Variants in SAMD8 observed in about 807,000 individuals in gnomAD.
SAMD8 encodes sphingomyelin synthase-related protein 1.
A neutral mutation model predicts 42.0 loss-of-function variants in SAMD8; 20 were observed. The ratio of observed to expected loss-of-function variants is 0.48; its 90% CI spans 0.34 to 0.69. SAMD8 has a LOEUF of 0.69. SAMD8 is among the 30% of genes least tolerant of loss of function. The pLI is 0.01. For missense variants in SAMD8, 328 were observed against 511.6 expected (o/e 0.64, Z 3.46); for synonymous variants, 162 against 173.0 (o/e 0.94, Z 0.50).
upstream of SAMD8, among the ~76,000 whole-genome samples, chr10:75,107,589 CG>C (rs909703774): frequency 3.3e-5 from 5 of 150,402 alleles, no homozygotes; most frequent in South Asian, 2.1e-4. Context: ...TTTTTTTTGG[CG>C]GGGGGGGATG....
intron 1 of SAMD8, among the ~76,000 whole-genome samples, chr10:75,130,528 A>G (rs1020073440): frequency 1.3e-5 from 2 of 152,018 alleles, no homozygotes; most frequent in African/African-American, 4.8e-5. Context: ...AAACACTATG[A>G]TCATTCTTTA....
chr10:75,101,962 C>G, intron 1 of SAMD8: 1 of 1,367,508 alleles, frequency 7.3e-7, no homozygotes, highest in Non-Finnish European at 9.8e-7. Flanking sequence ...GATGCTGTTT[C>G]TATTTTTTGA....
upstream of SAMD8, chr10:75,109,127 C>A: frequency 6.2e-7 from 1 of 1,606,842 alleles, no homozygotes; most frequent in Non-Finnish European, 8.5e-7. Context: ...TTGTCCTCTC[C>A]CCCCAGCTCT....
intron 4 of SAMD8, among the ~76,000 whole-genome samples, chr10:75,171,494 A>G (rs1351234837): frequency 1.3e-5 from 2 of 151,994 alleles, no homozygotes; most frequent in South Asian, 2.1e-4. Flanking sequence ...ATTTAATAGT[A>G]TGTTGTTTAC....
At chr10:75,163,191 C>A (rs1840598752) in intron 2 of SAMD8, among the ~76,000 whole-genome samples, 1 of 152,174 alleles carries the variant, frequency 6.6e-6, no homozygotes, top group South Asian at 2.1e-4. Context: ...TCCCAAAGTG[C>A]TGGGATTATA....
chr10:75,139,546 C>T (rs1040696228), intron 1 of SAMD8, among the ~76,000 whole-genome samples: 5 of 152,038 alleles, frequency 3.3e-5, no homozygotes, highest in African/African-American at 1.2e-4. Flanking sequence ...AGGACTCATG[C>T]AATAATGTTA....
At chr10:75,145,659 C>A (rs1213289110) in intron 1 of SAMD8, among the ~76,000 whole-genome samples, 1 of 152,124 alleles carries the variant, frequency 6.6e-6, no homozygotes, top group Non-Finnish European at 1.5e-5. Flanking sequence ...CCAAATAATT[C>A]TTTGTTGGGG....
At chr10:75,162,249 C>T (rs1276596944) in intron 2 of SAMD8, among the ~76,000 whole-genome samples, 6 of 152,228 alleles carry the variant, frequency 3.9e-5, no homozygotes, top group South Asian at 2.1e-4. Context: ...ATCCCAGCAA[C>T]GCGGGAGACT....
intron 4 of SAMD8, 56 bp downstream of exon 4, chr10:75,168,714 A>G: frequency 9.6e-7 from 1 of 1,044,858 alleles, no homozygotes; most frequent in Non-Finnish European, 1.5e-6. Context: ...GGCACACTAT[A>G]TGCAATAGGG....
chr10:75,160,196 A>G (rs1310766180), intron 2 of SAMD8, among the ~76,000 whole-genome samples: 1 of 152,042 alleles, frequency 6.6e-6, no homozygotes, highest in Non-Finnish European at 1.5e-5. Flanking sequence ...TTACTAAAGA[A>G]AATTAAATTT....
At chr10:75,108,321 C>G, upstream of SAMD8, 1 of 1,466,852 alleles carries the variant, frequency 6.8e-7, no homozygotes, top group Non-Finnish European at 8.9e-7. Context: ...CAAAGAGAGT[C>G]CAACCCCAGC....
intron 1 of SAMD8, among the ~76,000 whole-genome samples, chr10:75,149,334 A>G (rs1840225615): frequency 6.6e-6 from 1 of 152,248 alleles, no homozygotes; most frequent in South Asian, 2.1e-4. Context: ...GGTACTTTTT[A>G]AAACATAGCA....
At chr10:75,160,032 T>C (rs1029817702) in intron 2 of SAMD8, among the ~76,000 whole-genome samples, 4 of 126,178 alleles carry the variant, frequency 3.2e-5, no homozygotes, top group Non-Finnish European at 6.3e-5. Context: ...ATAACCATAA[T>C]AGCAAGGGAG....
chr10:75,168,926 A>G (rs1840760793), intron 4 of SAMD8, among the ~76,000 whole-genome samples: 1 of 151,974 alleles, frequency 6.6e-6, no homozygotes. Flanking sequence ...TAATCCCAGC[A>G]CTTTGGGAGG....
chr10:75,152,167 A>G (rs568828085), intron 2 of SAMD8, among the ~76,000 whole-genome samples: 2 of 152,130 alleles, frequency 1.3e-5, no homozygotes, highest in South Asian at 2.1e-4. Context: ...ATTCAGTGAT[A>G]GCATGCTGTT....
intron 4 of SAMD8, among the ~76,000 whole-genome samples, chr10:75,170,478 G>C (rs1262940200): frequency 1.3e-5 from 2 of 152,092 alleles, no homozygotes; most frequent in South Asian, 2.1e-4. Context: ...TAAGAAAGGG[G>C]GAAGGGTTGA....
At chr10:75,160,069 A>G (rs1473652557) in intron 2 of SAMD8, among the ~76,000 whole-genome samples, 1 of 152,202 alleles carries the variant, frequency 6.6e-6, no homozygotes, top group Non-Finnish European at 1.5e-5. Context: ...AAAAGCAAAC[A>G]TAAATAATGG....
At chr10:75,143,641 AC>A (rs1450613895) in intron 1 of SAMD8, among the ~76,000 whole-genome samples, 2 of 151,462 alleles carry the variant, frequency 1.3e-5, no homozygotes, top group East Asian at 3.9e-4. Flanking sequence ...TATCATTCTT[AC>A]CTTTGTTCCT....
chr10:75,123,904 T>G (rs1474805079), intron 1 of SAMD8, among the ~76,000 whole-genome samples: 2 of 152,034 alleles, frequency 1.3e-5, no homozygotes, highest in Non-Finnish European at 2.9e-5. Context: ...ATTTTTTGTA[T>G]TTTAGTAGAG....
Sources: allele counts gnomAD v4.1 joint callset (sites outside exome capture counted in the v4.1 genomes callset), GRCh38; gene constraint gnomAD v4.1.1; transcripts MANE v1.5; gene names NCBI Gene and HGNC (gene_info 2026-07-23, HGNC 2026-07-21).